The following TEX36 variants were observed in gnomAD, a reference collection of about 807,000 sequenced individuals.
TEX36 encodes testis-expressed protein 36.
TEX36 carries 12 observed loss-of-function variants against 13.6 expected under a neutral mutation model. The ratio of observed to expected loss-of-function variants is 0.88; its 90% CI spans 0.56 to 1.43. The LOEUF is 1.43. Ranked by LOEUF, TEX36 falls within the 40% of genes most tolerant of loss-of-function variation. The pLI is 0.00. For synonymous variants in TEX36, 93 were observed against 83.0 expected, an observed-to-expected ratio of 1.12 and a Z score of -0.65; for missense variants, 224 against 228.3, an observed-to-expected ratio of 0.98 and a Z score of 0.12.
At chr10:125,579,009 CTCTA>C (rs1340451161) in intron 3 of TEX36, among the ~76,000 whole-genome samples, 2 of 152,194 alleles carry the variant, frequency 1.3e-5, no homozygotes, top group South Asian at 2.1e-4. Context: ...ATGCTCATGC[CTCTA>C]TCTGTCTCCT....
intron 3 of TEX36, among the ~76,000 whole-genome samples, chr10:125,587,797 A>AAG (rs1422814949): frequency 6.9e-6 from 1 of 145,892 alleles, no homozygotes; most frequent in Non-Finnish European, 1.5e-5. Flanking sequence ...AAAAAAAAAA[A>AAG]AAAAAAAAAA....
intron 3 of TEX36, among the ~76,000 whole-genome samples, chr10:125,593,731 A>G (rs1846049204): frequency 1.3e-5 from 2 of 152,248 alleles, no homozygotes; most frequent in Non-Finnish European, 2.9e-5. Flanking sequence ...GACAGAAAGT[A>G]GAAGAGAGGT....
downstream of TEX36, among the ~76,000 whole-genome samples, chr10:125,618,659 G>A (rs544622187): frequency 2.7e-4 from 41 of 152,008 alleles, 1 homozygote; most frequent in Non-Finnish European, 2.1e-4. Flanking sequence ...CAGCTCCACA[G>A]CCTAGGTTCC....
chr10:125,600,473 C>T, intron 3 of TEX36, among the ~76,000 whole-genome samples: 1 of 152,084 alleles, frequency 6.6e-6, no homozygotes. Flanking sequence ...ACTCCTGAGC[C>T]TGTTGTACTT....
At chr10:125,577,090 C>T (rs1845833707) in intron 3 of TEX36, among the ~76,000 whole-genome samples, 2 of 152,192 alleles carry the variant, frequency 1.3e-5, no homozygotes, top group Admixed American at 6.5e-5. Context: ...GGGTCTATCT[C>T]TCTGACTGGA....
At chr10:125,628,201 A>G (rs1454098356) in intron 3 of TEX36, among the ~76,000 whole-genome samples, 1 of 152,222 alleles carries the variant, frequency 6.6e-6, no homozygotes, top group Non-Finnish European at 1.5e-5. Context: ...TTGTCGTGGA[A>G]GGGAGCAAAG....
rs78999824 is a variant in TEX36 at position 125,638,613 on chromosome 10, G to C, written c.265-16968C>G. Among the ~76,000 whole-genome samples, 608 of 152,300 alleles carry C rather than the reference G, an allele frequency of 4.0e-3. 11 individuals carry two copies. Among genetic ancestry groups the C allele is most frequent in the African/African-American group, 0.014 (584 of 41,560 alleles). On this transcript the variant is annotated intron_variant, in intron 3 of 3. Coordinates refer to the TEX36 transcript ENST00000526819. ...CAAACAAAAAAAAATTTGCTGACTCGATTTCTCCATCAAGCTATCGCTACA... is the reference window on the plus strand; with the variant it reads ...CAAACAAAAAAAAATTTGCTGACTCCATTTCTCCATCAAGCTATCGCTACA...
At chr10:125,655,138 T>C (rs992544697), downstream of TEX36, among the ~76,000 whole-genome samples, 11 of 152,140 alleles carry the variant, frequency 7.2e-5, no homozygotes, top group Non-Finnish European at 1.2e-4. Context: ...GACACATTAT[T>C]AAGTATCAAA....
intron 1 of TEX36, among the ~76,000 whole-genome samples, chr10:125,675,413 C>T (rs547099034): frequency 1.4e-3 from 203 of 149,478 alleles, no homozygotes; most frequent in African/African-American, 2.0e-3. Flanking sequence ...CAGGCACCCA[C>T]GGTGATGATG....
intron 3 of TEX36, among the ~76,000 whole-genome samples, chr10:125,628,682 A>C (rs963255826): frequency 1.3e-5 from 2 of 152,250 alleles, no homozygotes; most frequent in African/African-American, 4.8e-5. Context: ...AAGAAGATGC[A>C]GTGTTCATCT....
At chr10:125,611,081 T>C (rs1360993487) in intron 3 of TEX36, among the ~76,000 whole-genome samples, 1 of 152,256 alleles carries the variant, frequency 6.6e-6, no homozygotes, top group East Asian at 1.9e-4. Context: ...TAGCAGTTCC[T>C]GTACAATGCA....
intron 3 of TEX36, among the ~76,000 whole-genome samples, chr10:125,635,916 C>T (rs934756307): frequency 6.6e-6 from 1 of 152,016 alleles, no homozygotes; most frequent in African/African-American, 2.4e-5. Flanking sequence ...CTCTGTCACC[C>T]AGCCTCGAGT....
At chr10:125,669,822 C>T (rs374894696) in intron 1 of TEX36, among the ~76,000 whole-genome samples, 119 of 152,316 alleles carry the variant, frequency 7.8e-4, no homozygotes, top group African/African-American at 2.7e-3. Context: ...TTGTTCAGCT[C>T]CCATTTATAA....
chr10:125,605,738 A>T (rs559690099), intron 3 of TEX36, among the ~76,000 whole-genome samples: 2 of 152,210 alleles, frequency 1.3e-5, no homozygotes, highest in Admixed American at 1.3e-4. Context: ...AGTAGCTGGG[A>T]TTACAGGTGC....
chr10:125,665,224 G>A (rs1847104222), intron 1 of TEX36, among the ~76,000 whole-genome samples: 1 of 152,020 alleles, frequency 6.6e-6, no homozygotes, highest in South Asian at 2.1e-4. Context: ...TGTTTCCTTT[G>A]CTGTGCAGAA....
chr10:125,658,661 T>G (rs1273703510), intron 3 of TEX36, among the ~76,000 whole-genome samples: 1 of 152,104 alleles, frequency 6.6e-6, no homozygotes, highest in Non-Finnish European at 1.5e-5. Flanking sequence ...GTGAGAATCT[T>G]AGATTATACT....
chr10:125,661,678 C>T (rs1156846818), intron 2 of TEX36, among the ~76,000 whole-genome samples, 168 bp downstream of exon 2: 2 of 152,174 alleles, frequency 1.3e-5, no homozygotes, highest in Admixed American at 6.5e-5. Flanking sequence ...TAGTTCCTGC[C>T]GCAGAGCACC....
downstream of TEX36, among the ~76,000 whole-genome samples, chr10:125,619,436 T>C (rs376608004): frequency 2.0e-5 from 3 of 152,008 alleles, no homozygotes; most frequent in East Asian, 3.9e-4. Flanking sequence ...CCTCTCCTCA[T>C]AGTAGAGGTC....
intron 3 of TEX36, among the ~76,000 whole-genome samples, chr10:125,623,579 G>GA (rs531089481): frequency 0.13 from 12,587 of 94,062 alleles, 676 homozygotes; most frequent in East Asian, 0.27. Flanking sequence ...GTTTCCAAAT[G>GA]AAAAAAAAAA....
Sources: gnomAD v4.1 joint callset for allele counts (sites outside exome capture counted in the v4.1 genomes callset) on GRCh38, gnomAD v4.1.1 for gene constraint, MANE v1.5 for transcripts, NCBI Gene and HGNC (gene_info 2026-07-23, HGNC 2026-07-21) for gene names.